Variants in MTMR3 observed in about 807,000 individuals in gnomAD.
MTMR3 encodes myotubularin related protein 3.
MTMR3 carries 32 observed loss-of-function variants against 132.4 expected under a neutral mutation model. The ratio of observed to expected loss-of-function variants is 0.24; its 90% CI spans 0.18 to 0.32. MTMR3 has a LOEUF of 0.32. MTMR3 is among the 10% of genes least tolerant of loss of function. The pLI is 1.00. For synonymous variants in MTMR3, 556 were observed against 550.3 expected (o/e 1.01, Z -0.14); for missense variants, 1,216 against 1,489.6 (o/e 0.82, Z 3.02).
Position 30,027,385 on chromosome 22 carries a change from CAGA to C in MTMR3, c.*1587_*1589del, listed in dbSNP as rs2145994265. 1 of 152,920 alleles carries C rather than the reference CAGA, an allele frequency of 6.5e-6. No homozygotes were observed. The highest frequency in any genetic ancestry group is 2.4e-5 in the African/African-American group (1 of 41,572). The allele number at this position is 152,920 out of a possible 1,614,324, so 9.5% of individuals were successfully genotyped here. Reference sequence around the variant, plus strand: ...GCCTGGGTGTGGTTAAGGCGTGGCCCAGAAGGCTTCCCTGGTGCTCTCAGTCCA... The same window carrying C: ...GCCTGGGTGTGGTTAAGGCGTGGCCCAGGCTTCCCTGGTGCTCTCAGTCCA... On this transcript the variant is annotated 3_prime_UTR_variant, in exon 20 of 20. Coordinates refer to ENST00000401950, the MANE Select transcript of MTMR3 (RefSeq NM_021090.4).
chr22:30,010,795 G>A (rs996429130), intron 12 of MTMR3: 3 of 152,200 alleles, frequency 2.0e-5, no homozygotes, highest in African/African-American at 4.8e-5. Context: ...AAGAATATGT[G>A]AGGAATGAAA....
At chr22:29,962,243 A>T (rs1015903103) in intron 2 of MTMR3, among the ~76,000 whole-genome samples, 4 of 152,226 alleles carry the variant, frequency 2.6e-5, no homozygotes, top group Non-Finnish European at 4.4e-5. Context: ...AGTTTAACTC[A>T]GATATATTAA....
chr22:30,008,230 T>C (rs997195665), intron 11 of MTMR3, 198 bp downstream of exon 11: 14 of 609,094 alleles, frequency 2.3e-5, no homozygotes, highest in Non-Finnish European at 2.9e-5. Context: ...GGAGGTGCAG[T>C]GAAGTCACAT....
chr22:29,953,552 G>A (rs541390121), intron 1 of MTMR3, among the ~76,000 whole-genome samples: 4 of 152,204 alleles, frequency 2.6e-5, no homozygotes, highest in South Asian at 2.1e-4. Flanking sequence ...AGAGTATATT[G>A]TGTTAGGTCC....
At chr22:29,888,311 T>C (rs2064718736) in intron 1 of MTMR3, among the ~76,000 whole-genome samples, 1 of 152,154 alleles carries the variant, frequency 6.6e-6, no homozygotes, top group African/African-American at 2.4e-5. Flanking sequence ...CCTCCCAAAG[T>C]GCTGGGATTG....
chr22:29,910,530 A>G (rs1184457642), intron 1 of MTMR3, among the ~76,000 whole-genome samples: 1 of 152,204 alleles, frequency 6.6e-6, no homozygotes, highest in African/African-American at 2.4e-5. Flanking sequence ...AGAGTTAGCT[A>G]TGTGAGTGCT....
chr22:29,976,113 A>G (rs1229808588), intron 3 of MTMR3, among the ~76,000 whole-genome samples: 1 of 137,786 alleles, frequency 7.3e-6, no homozygotes, highest in Non-Finnish European at 1.6e-5. Context: ...ATTTTATTAT[A>G]GTGTGTGTTT....
chr22:29,921,618 C>A (rs565098473), intron 1 of MTMR3, among the ~76,000 whole-genome samples: 1 of 152,220 alleles, frequency 6.6e-6, no homozygotes, highest in South Asian at 2.1e-4. Context: ...TACCACCATC[C>A]TTCTCTAGAA....
chr22:29,900,613 C>T (rs1484325286), intron 1 of MTMR3, among the ~76,000 whole-genome samples: 1 of 152,040 alleles, frequency 6.6e-6, no homozygotes, highest in African/African-American at 2.4e-5. Flanking sequence ...TAGGATTATT[C>T]CCAGAGGTAG....
chr22:29,965,079 G>A lies in MTMR3; in HGVS notation c.-84-5897G>A, dbSNP rs558121909. 1.1e-4 allele frequency among the ~76,000 whole-genome samples: 17 copies of A among 151,978 alleles called. No homozygotes were observed. In the South Asian group the frequency reaches 2.3e-3, roughly 20 times the overall value. Reference sequence around the variant, plus strand: ...ATCACTTTATCTAAAGTAGGTCTTCGGTACCCCCAAACCCCAGTCCCTGTC... The same window carrying A: ...ATCACTTTATCTAAAGTAGGTCTTCAGTACCCCCAAACCCCAGTCCCTGTC... On this transcript the variant is annotated intron_variant, in intron 2 of 19. Transcript: ENST00000401950.
chr22:29,968,570 T>A (rs1023129664), intron 2 of MTMR3, among the ~76,000 whole-genome samples: 7 of 152,164 alleles, frequency 4.6e-5, no homozygotes, highest in Admixed American at 4.6e-4. Context: ...ATCTTTACCT[T>A]CCTATCTAAA....
At chr22:29,989,685 T>C (rs2066922804) in intron 6 of MTMR3, 1 of 152,256 alleles carries the variant, frequency 6.6e-6, no homozygotes, top group South Asian at 2.1e-4. Context: ...ACTGTATATA[T>C]GATGTCACAT....
intron 10 of MTMR3, 164 bp downstream of exon 10, chr22:30,007,483 T>A (rs2067297224): frequency 1.4e-6 from 1 of 696,108 alleles, no homozygotes; most frequent in Non-Finnish European, 2.4e-6. Context: ...TGGCAGAGAA[T>A]CAGAAGACCC....
rs1189657340 is a variant in MTMR3 at position 30,027,426 on chromosome 22, A to C, written c.*1625A>C. 2.0e-5 allele frequency: 3 copies of C among 152,804 alleles called. No homozygotes were observed. The highest frequency in any genetic ancestry group is 4.4e-5 in the Non-Finnish European group (3 of 68,048). The allele number at this position is 152,804 out of a possible 1,614,324, so 9.5% of individuals were successfully genotyped here. ...TGCTCTCAGTCCAGGCAAAGCCCAG[A>C]GCATCTGAGCACGTCTCTGACTTCC... is the stretch of plus-strand genomic sequence containing the variant. On this transcript the variant is annotated 3_prime_UTR_variant, in exon 20 of 20. Transcript: ENST00000401950.
rs1301546566 is a variant in MTMR3, at chr22:30,029,357, G to T, written c.*3556G>T. 6.6e-6 allele frequency: 1 copy of T among 152,302 alleles called. No individual in the cohort carries two copies. Among genetic ancestry groups the T allele is most frequent in the African/African-American group, 2.4e-5 (1 of 41,438 alleles). The allele number at this position is 152,302 out of a possible 1,614,324, so 9.4% of individuals were successfully genotyped here. A position where few individuals can be genotyped will look rare whatever the true frequency, so the allele number is the denominator to read the frequency against. On this transcript the variant is annotated 3_prime_UTR_variant, in exon 20 of 20. Transcript: ENST00000401950. Reference sequence around the variant, plus strand: ...CTTAATCCACTGAGATTCTCTATGAGGATGTACAGAAAAGTTTTCCTGTAA... The same window carrying T: ...CTTAATCCACTGAGATTCTCTATGATGATGTACAGAAAAGTTTTCCTGTAA...
At chr22:29,889,667 T>G (rs188869740) in intron 1 of MTMR3, among the ~76,000 whole-genome samples, 2 of 151,878 alleles carry the variant, frequency 1.3e-5, no homozygotes, top group South Asian at 2.1e-4. Flanking sequence ...GGTATTTTTG[T>G]TTTTTTTCTT....
intron 15 of MTMR3, 110 bp downstream of exon 15, chr22:30,016,808 C>G: frequency 8.0e-7 from 1 of 1,249,394 alleles, no homozygotes. Flanking sequence ...TCTCTACTGT[C>G]TCTGGATGGA....
At chr22:29,910,172 A>G (rs2145745186) in intron 1 of MTMR3, among the ~76,000 whole-genome samples, 1 of 152,202 alleles carries the variant, frequency 6.6e-6, no homozygotes, top group East Asian at 1.9e-4. Context: ...TCAAAAAAAA[A>G]AAAGAAAGTG....
chr22:29,946,034 T>C (rs2145821657), intron 1 of MTMR3, among the ~76,000 whole-genome samples: 1 of 151,978 alleles, frequency 6.6e-6, no homozygotes, highest in Middle Eastern at 3.4e-3. Flanking sequence ...TGTGTGTGTG[T>C]GTGTAAGGTA....
Sources: allele counts gnomAD v4.1 joint callset (sites outside exome capture counted in the v4.1 genomes callset), GRCh38; gene constraint gnomAD v4.1.1; transcripts MANE v1.5; gene names NCBI Gene and HGNC (gene_info 2026-07-23, HGNC 2026-07-21).